EGF: variants seen among roughly 807,000 people sequenced by gnomAD.
EGF encodes the protein epidermal growth factor.
In EGF, 95 loss-of-function variants were observed where a neutral mutation model predicts 143.8. The ratio of observed to expected loss-of-function variants is 0.66; its 90% CI spans 0.56 to 0.78. The LOEUF is 0.78. Among genes scored for constraint, EGF ranks in the 30% least tolerant of loss-of-function variants. The pLI, the probability that EGF is intolerant of heterozygous loss-of-function variation, is 0.00. For missense variants in EGF, 1,320 were observed against 1,470.9 expected (o/e 0.90, Z 1.68); for synonymous variants, 510 against 510.5 (o/e 1.00, Z 0.01).
At chr4:109,968,570 GATCT>G (rs1312895684) in intron 10 of EGF, among the ~76,000 whole-genome samples, 4 of 151,936 alleles carry the variant, frequency 2.6e-5, no homozygotes, top group South Asian at 2.1e-4. Context: ...TGGCTAAGGA[GATCT>G]ATCTATCTAT....
intron 1 of EGF, among the ~76,000 whole-genome samples, chr4:109,915,252 T>C (rs1736421715): frequency 6.6e-6 from 1 of 152,138 alleles, no homozygotes; most frequent in Non-Finnish European, 1.5e-5. Flanking sequence ...TGCTACCAAC[T>C]TAATAGCTGA....
chr4:109,982,915 T>C (rs1016015780), intron 15 of EGF, among the ~76,000 whole-genome samples: 1 of 152,150 alleles, frequency 6.6e-6, no homozygotes, highest in African/African-American at 2.4e-5. Flanking sequence ...ATTTCTCCCC[T>C]GTTCTGAGAG....
chr4:109,966,886 GTTAT>G (rs1209415581), intron 10 of EGF, among the ~76,000 whole-genome samples: 4 of 152,042 alleles, frequency 2.6e-5, no homozygotes, highest in East Asian at 1.9e-4. Context: ...TTTTAATGGG[GTTAT>G]TTGTTTTTAT....
At chr4:109,995,805 A>G (rs1039824223) in intron 20 of EGF, among the ~76,000 whole-genome samples, 6 of 152,222 alleles carry the variant, frequency 3.9e-5, no homozygotes, top group Non-Finnish European at 8.8e-5. Context: ...TTCATCAGTA[A>G]TAATGAACAG....
chr4:109,983,480 A>T lies in EGF; in HGVS notation c.2430A>T (p.Arg810Ser). Residue 810 changes from arginine (R) to serine (S), a missense_variant, in exon 16 of 24, where the codon AGA becomes AGT. By Grantham distance (110) the Arg-to-Ser change is moderately radical. Coordinates refer to ENST00000265171, the MANE Select transcript of EGF (RefSeq NM_001963.6). ...CATTGGACATCTTGTCCAAGACTAGAGTGTCAGAAGATAACATTACAGAAT... is the reference window on the plus strand; with the variant it reads ...CATTGGACATCTTGTCCAAGACTAGTGTGTCAGAAGATAACATTACAGAAT... The part of the protein sequence containing the change: ...VTPLDILSKT[R>S]VSEDNITESQ... 1 of 1,613,850 alleles carries T rather than the reference A, an allele frequency of 6.2e-7. No homozygotes were observed. The highest frequency in any genetic ancestry group is 8.5e-7 in the Non-Finnish European group (1 of 1,179,838).
At chr4:109,989,651 G>A (rs1353732432) in intron 18 of EGF, among the ~76,000 whole-genome samples, 1 of 152,170 alleles carries the variant, frequency 6.6e-6, no homozygotes, top group East Asian at 1.9e-4. Flanking sequence ...CTGTCAGTCA[G>A]GAAAATGTCA....
chr4:109,992,170 T>TAAAAAAAAAAAAAAAAAAA (rs58841408), intron 18 of EGF, among the ~76,000 whole-genome samples: 2 of 65,638 alleles, frequency 3.0e-5, no homozygotes, highest in Non-Finnish European at 5.2e-5. Context: ...CAAGATTCTT[T>TAAAAAAAAAAAAAAAAAAA]AAAAAAAAAA....
chr4:109,934,719 A>G lies in EGF; in HGVS notation c.128-6227A>G, dbSNP rs145216986. Among the ~76,000 whole-genome samples, 1,004 of 152,306 alleles carry G rather than the reference A, an allele frequency of 6.6e-3. 17 individuals are homozygous for G. The highest frequency in any genetic ancestry group is 0.023 in the African/African-American group (948 of 41,560). On this transcript the variant is annotated intron_variant, in intron 1 of 23. Coordinates refer to ENST00000265171, the MANE Select transcript of EGF (RefSeq NM_001963.6). The stretch of plus-strand genomic sequence containing the variant: ...GGTCTTACATTTAAGTCTTTAATCA[A>G]TCTTGAGTAAATTTTTGTGTAAGGT...
At chr4:109,982,258 C>T (rs1035883588) in intron 15 of EGF, among the ~76,000 whole-genome samples, 2 of 151,980 alleles carry the variant, frequency 1.3e-5, no homozygotes, top group African/African-American at 2.4e-5. Flanking sequence ...GTCTTCCCAC[C>T]TCGGCCTCCC....
intron 5 of EGF, among the ~76,000 whole-genome samples, chr4:109,945,676 G>A (rs532359750): frequency 6.6e-6 from 1 of 152,268 alleles, no homozygotes; most frequent in South Asian, 2.1e-4. Context: ...CTCTCAAAGA[G>A]GTGGCTTTAA....
chr4:109,963,183 A>T lies in EGF; in HGVS notation c.1323A>T (p.Ser441=). The T allele has an allele frequency of 6.2e-7, 1 of 1,613,962 alleles. No individual in the cohort carries two copies. The highest frequency in any genetic ancestry group is 8.5e-7 in the Non-Finnish European group (1 of 1,179,928). Residue 441 remains serine, a synonymous_variant, in exon 9 of 24, where the codon TCA becomes TCT. Transcript: ENST00000265171. ...RDGKTCSGCS[S]PDNGGCSQLC... ...CAATTGTTTTTGTAGGTTGTTCCTCACCCGATAATGGTGGATGTAGCCAGC... is the reference window on the plus strand; with the variant it reads ...CAATTGTTTTTGTAGGTTGTTCCTCTCCCGATAATGGTGGATGTAGCCAGC...
intron 1 of EGF, among the ~76,000 whole-genome samples, chr4:109,921,402 C>T (rs1737763605): frequency 6.6e-6 from 1 of 151,236 alleles, no homozygotes; most frequent in Non-Finnish European, 1.5e-5. Context: ...CCCAAGTTGA[C>T]CAAACATACT....
chr4:109,950,314 G>A (rs1473098913), intron 5 of EGF, among the ~76,000 whole-genome samples: 1 of 152,082 alleles, frequency 6.6e-6, no homozygotes, highest in African/African-American at 2.4e-5. Flanking sequence ...AGCGGAAACC[G>A]AGGAGTTGCC....
intron 21 of EGF, chr4:110,002,019 G>A (rs554689337): frequency 1.0e-6 from 1 of 985,428 alleles, no homozygotes; most frequent in African/African-American, 1.7e-5. Context: ...TAGTCTAAAT[G>A]TTGCCATGTC....
chr4:109,946,105 C>T (rs371171177), intron 5 of EGF, among the ~76,000 whole-genome samples: 10 of 152,168 alleles, frequency 6.6e-5, no homozygotes, highest in East Asian at 3.8e-4. Context: ...AATCCAACAC[C>T]GAATCCATTC....
At chr4:109,991,918 C>G (rs1265259873) in intron 18 of EGF, among the ~76,000 whole-genome samples, 1 of 151,606 alleles carries the variant, frequency 6.6e-6, no homozygotes, top group Non-Finnish European at 1.5e-5. Context: ...TCTGGGAGGC[C>G]AAGGCAGGAG....
At chr4:109,937,085 T>C (rs1368246489) in intron 1 of EGF, among the ~76,000 whole-genome samples, 1 of 152,172 alleles carries the variant, frequency 6.6e-6, no homozygotes, top group Non-Finnish European at 1.5e-5. Context: ...AAGTCTTGAA[T>C]ATCCTTGTTA....
At chr4:109,971,450 G>T (rs911844791) in intron 11 of EGF, among the ~76,000 whole-genome samples, 1 of 152,068 alleles carries the variant, frequency 6.6e-6, no homozygotes, top group African/African-American at 2.4e-5. Flanking sequence ...ACCACTCTCG[G>T]GTCCACTAAG....
chr4:109,916,970 G>A (rs2298979), intron 1 of EGF, among the ~76,000 whole-genome samples: 76,524 of 151,928 alleles, frequency 0.5, 20,680 homozygotes, highest in East Asian at 0.7. Context: ...ACAAGAACAT[G>A]TCAACTTGAT....
Sources: allele counts gnomAD v4.1 joint callset (sites outside exome capture counted in the v4.1 genomes callset), GRCh38; gene constraint gnomAD v4.1.1; transcripts MANE v1.5; gene names NCBI Gene and HGNC (gene_info 2026-07-23, HGNC 2026-07-21).